BANP: variants seen among roughly 807,000 people sequenced by gnomAD.
The protein encoded by BANP is BTG3 associated nuclear protein, also known as protein BANP.
A neutral mutation model predicts 68.1 loss-of-function variants in BANP; 11 were observed. The observed-to-expected ratio is 0.16, with a 90% CI of 0.10 to 0.27. The LOEUF (loss-of-function observed/expected upper bound fraction) is 0.27. Among genes scored for constraint, BANP ranks in the 10% least tolerant of loss-of-function variants. The pLI is 1.00. For missense variants in BANP, 504 were observed against 722.7 expected (o/e 0.70, Z 3.47); for synonymous variants, 329 against 303.2 (o/e 1.09, Z -0.88).
intron 11 of BANP, among the ~76,000 whole-genome samples, chr16:88,063,711 A>C (rs1446667392): frequency 3.3e-5 from 5 of 152,180 alleles, no homozygotes. Flanking sequence ...TGTGGAAGGC[A>C]CGTCATGGCA....
chr16:88,017,916 G>A (rs115521013), intron 6 of BANP, among the ~76,000 whole-genome samples: 2,226 of 152,286 alleles, frequency 0.015, 62 homozygotes, highest in African/African-American at 0.052. Flanking sequence ...CTGTGCAGAG[G>A]CAAGGACTGG....
At chr16:87,968,953 T>C (rs1241534299) in intron 1 of BANP, among the ~76,000 whole-genome samples, 1 of 152,142 alleles carries the variant, frequency 6.6e-6, no homozygotes, top group African/African-American at 2.4e-5. Context: ...GAAAAATAAT[T>C]TCCTTTTCAC....
At chr16:87,961,908 CT>C (rs1481950419) in intron 1 of BANP, among the ~76,000 whole-genome samples, 2 of 152,150 alleles carry the variant, frequency 1.3e-5, no homozygotes, top group Non-Finnish European at 1.5e-5. Context: ...GATGGGACCC[CT>C]GGACCTTGGA....
chr16:88,069,532 G>A (rs896207334), intron 12 of BANP, among the ~76,000 whole-genome samples: 44 of 152,168 alleles, frequency 2.9e-4, no homozygotes, highest in African/African-American at 1.0e-3. Context: ...GCTATGGACG[G>A]TGGTGGCCCA....
At chr16:88,014,921 T>A (rs1479144813) in intron 6 of BANP, among the ~76,000 whole-genome samples, 1 of 152,076 alleles carries the variant, frequency 6.6e-6, no homozygotes, top group Non-Finnish European at 1.5e-5. Flanking sequence ...ACAGTGGGTC[T>A]CACTGTGAGC....
In BANP at chr16:87,975,476, C is replaced by T. The variant is rs544004446; in HGVS notation, c.70+291C>T. Among the ~76,000 whole-genome samples, 27 of 152,316 alleles carry T rather than the reference C, an allele frequency of 1.8e-4. No individual in the cohort carries two copies. The South Asian group carries it at 4.6e-3, about 26-fold the overall frequency. On this transcript the variant is annotated intron_variant, in intron 2 of 13. Coordinates refer to ENST00000682872, the MANE Select transcript of BANP (RefSeq NM_001386991.1). ...GTGTTCTACACTCTCTCCCCTGCCG[C>T]GTCCCTGTGTGCGGCGTCGTGGATC...
chr16:87,988,293 T>C (rs572717505), intron 4 of BANP, among the ~76,000 whole-genome samples: 1 of 152,284 alleles, frequency 6.6e-6, no homozygotes, highest in East Asian at 1.9e-4. Context: ...AGATGGAGTC[T>C]CGCTCTGTTG....
chr16:88,072,050 C>G lies in BANP; in HGVS notation c.1378-19C>G, dbSNP rs926404645. The G allele has an allele frequency of 1.3e-6, 2 of 1,556,710 alleles. No individual in the cohort carries two copies. Among genetic ancestry groups the G allele is most frequent in the African/African-American group, 2.7e-5 (2 of 73,718 alleles). On this transcript the variant is annotated intron_variant, in intron 12 of 13. Transcript: ENST00000682872. The stretch of plus-strand genomic sequence containing the variant: ...TTGTGGGCCACGCCGCTGACGGGCC[C>G]CCGTGTGTCTCCCTCCAGGTGCTGC...
intron 7 of BANP, among the ~76,000 whole-genome samples, chr16:88,023,995 G>A (rs1165659468): frequency 3.3e-5 from 5 of 152,230 alleles, no homozygotes; most frequent in Non-Finnish European, 7.3e-5. Context: ...CCACGCTGTG[G>A]GGATCCCGTG....
rs1362817400 is a variant in BANP at position 88,061,965 on chromosome 16, C to A, written c.1312-3302C>A. On this transcript the variant is annotated intron_variant, in intron 11 of 13. Transcript: ENST00000682872. ...TGAGCCACCACGCCCAGCCTGAGCA[C>A]CTCATTTTTCTAGTATGAGGAAGCT... 1.3e-5 allele frequency among the ~76,000 whole-genome samples: 2 copies of A among 152,182 alleles called. 1 individual carries two copies. Among genetic ancestry groups the A allele is most frequent in the Admixed American group, 1.3e-4 (2 of 15,266 alleles).
At chr16:88,033,893 G>A (rs1466097844) in intron 9 of BANP, among the ~76,000 whole-genome samples, 12 of 151,740 alleles carry the variant, frequency 7.9e-5, no homozygotes, top group African/African-American at 2.4e-4. Flanking sequence ...AGAGTAGGGC[G>A]TGGCTGAGAA....
intron 11 of BANP, among the ~76,000 whole-genome samples, chr16:88,059,160 C>T (rs907283394): frequency 1.5e-5 from 2 of 132,994 alleles, no homozygotes; most frequent in Admixed American, 1.5e-4. Flanking sequence ...TGCTGGTGTG[C>T]TGTGGTCCAT....
chr16:88,070,598 G>A (rs1287562703), intron 12 of BANP, among the ~76,000 whole-genome samples: 1 of 152,158 alleles, frequency 6.6e-6, no homozygotes, highest in Non-Finnish European at 1.5e-5. Flanking sequence ...GACCAGGGGG[G>A]ATGGGTTTTC....
At chr16:88,048,290 T>C (rs1314452648) in intron 11 of BANP, among the ~76,000 whole-genome samples, 1 of 152,180 alleles carries the variant, frequency 6.6e-6, no homozygotes, top group Non-Finnish European at 1.5e-5. Context: ...TTTGGAGAAA[T>C]AACTAATCTG....
At chr16:88,029,729 C>T (rs2077748635) in intron 8 of BANP, among the ~76,000 whole-genome samples, 2 of 152,102 alleles carry the variant, frequency 1.3e-5, no homozygotes, top group South Asian at 2.1e-4. Context: ...ATCGGCTGTC[C>T]TAAGACGTTA....
At chr16:88,075,725 A>C (rs1041259812) in intron 13 of BANP, among the ~76,000 whole-genome samples, 2 of 149,022 alleles carry the variant, frequency 1.3e-5, no homozygotes, top group Non-Finnish European at 3.0e-5. Flanking sequence ...ACTTATTCCA[A>C]GACTGTATGT....
chr16:87,963,708 G>A (rs1255078748), intron 1 of BANP, among the ~76,000 whole-genome samples: 1 of 152,218 alleles, frequency 6.6e-6, no homozygotes, highest in African/African-American at 2.4e-5. Flanking sequence ...CATGTGATGT[G>A]GCTTAGGTAG....
chr16:88,019,212 G>T (rs1396793805), intron 7 of BANP, among the ~76,000 whole-genome samples: 1 of 152,186 alleles, frequency 6.6e-6, no homozygotes, highest in East Asian at 1.9e-4. Flanking sequence ...TCTGAAGAGC[G>T]GGATTTGCTC....
chr16:88,067,720 C>T (rs1482088752), intron 12 of BANP, among the ~76,000 whole-genome samples: 2 of 152,142 alleles, frequency 1.3e-5, no homozygotes, highest in Admixed American at 6.5e-5. Flanking sequence ...CTGCCCTGGA[C>T]GGCCGGCTGC....
Sources: allele counts gnomAD v4.1 joint callset (sites outside exome capture counted in the v4.1 genomes callset), GRCh38; gene constraint gnomAD v4.1.1; transcripts MANE v1.5; gene names NCBI Gene and HGNC (gene_info 2026-07-23, HGNC 2026-07-21).